The following SGMS1 variants were observed in gnomAD, a reference collection of about 807,000 sequenced individuals.
SGMS1 encodes the protein sphingomyelin synthase 1, also known as phosphatidylcholine:ceramide cholinephosphotransferase 1.
In SGMS1, 13 loss-of-function variants were observed where a neutral mutation model predicts 46.2. The observed-to-expected ratio is 0.28, with a 90% CI of 0.18 to 0.45. The LOEUF (loss-of-function observed/expected upper bound fraction) is 0.45. Ranked by LOEUF, SGMS1 falls within the 20% of genes least tolerant of loss-of-function variation. SGMS1 has a pLI of 1.00. For missense variants in SGMS1, 324 were observed against 519.9 expected (o/e 0.62, Z 3.66); for synonymous variants, 203 against 187.8 (o/e 1.08, Z -0.66).
At chr10:50,385,793 A>G (rs1564897771) in intron 6 of SGMS1, among the ~76,000 whole-genome samples, 1 of 152,160 alleles carries the variant, frequency 6.6e-6, no homozygotes, top group Non-Finnish European at 1.5e-5. Context: ...TTTTCCTTGG[A>G]TAAACAAGTT....
At chr10:50,532,512 C>G (rs1318193993) in intron 2 of SGMS1, among the ~76,000 whole-genome samples, 2 of 152,030 alleles carry the variant, frequency 1.3e-5, no homozygotes, top group African/African-American at 4.8e-5. Flanking sequence ...CAGAAATATG[C>G]CATAGGAACT....
intron 6 of SGMS1, among the ~76,000 whole-genome samples, chr10:50,357,423 G>A (rs959093479): frequency 6.6e-5 from 10 of 151,902 alleles, no homozygotes; most frequent in Middle Eastern, 3.4e-3. Context: ...TCTGGCACTC[G>A]CTAGAAACAA....
At chr10:50,418,766 AAGC>A (rs1336530600) in intron 6 of SGMS1, among the ~76,000 whole-genome samples, 1 of 152,186 alleles carries the variant, frequency 6.6e-6, no homozygotes, top group Non-Finnish European at 1.5e-5. Context: ...CCTGGTATCA[AAGC>A]AGATTTGGAT....
intron 9 of SGMS1, 36 bp from the exon 10 acceptor site, chr10:50,308,184 T>A (rs758095709): frequency 1.3e-6 from 2 of 1,593,780 alleles, no homozygotes; most frequent in Non-Finnish European, 8.6e-7. Context: ...GTCCCATTAT[T>A]CAAATGACAT....
intron 7 of SGMS1, 115 bp downstream of exon 7, chr10:50,343,377 A>G (rs776905254): frequency 3.0e-4 from 374 of 1,235,862 alleles, no homozygotes; most frequent in Non-Finnish European, 3.8e-4. Flanking sequence ...AAAAAGAAAA[A>G]AAAATAGTAT....
At chr10:50,594,070 T>A (rs1270995431) in intron 1 of SGMS1, among the ~76,000 whole-genome samples, 3 of 152,204 alleles carry the variant, frequency 2.0e-5, no homozygotes, top group Non-Finnish European at 4.4e-5. Context: ...TAGCCGCCTT[T>A]CCAGTTTCTC....
intron 3 of SGMS1, among the ~76,000 whole-genome samples, chr10:50,497,476 G>A (rs748473434): frequency 6.6e-6 from 1 of 152,138 alleles, no homozygotes; most frequent in Non-Finnish European, 1.5e-5. Context: ...TGCAAGAGAA[G>A]CCAAAAGGTA....
chr10:50,388,932 T>C (rs1457879072), intron 6 of SGMS1, among the ~76,000 whole-genome samples: 9 of 152,160 alleles, frequency 5.9e-5, no homozygotes, highest in Admixed American at 5.9e-4. Flanking sequence ...ATGTACAATA[T>C]GAGGATGATA....
intron 2 of SGMS1, among the ~76,000 whole-genome samples, chr10:50,583,490 T>C (rs906791140): frequency 1.3e-5 from 2 of 152,156 alleles, no homozygotes; most frequent in African/African-American, 4.8e-5. Flanking sequence ...CCAATAGGAA[T>C]AGGCCAATAT....
chr10:50,554,064 C>T (rs1588875324), intron 2 of SGMS1, among the ~76,000 whole-genome samples: 1 of 152,294 alleles, frequency 6.6e-6, no homozygotes, highest in Non-Finnish European at 1.5e-5. Flanking sequence ...CCACATCCCA[C>T]AGCATCTCCA....
intron 6 of SGMS1, among the ~76,000 whole-genome samples, chr10:50,429,350 C>T (rs564913870): frequency 6.6e-6 from 1 of 152,250 alleles, no homozygotes; most frequent in South Asian, 2.1e-4. Flanking sequence ...ACATGCTATA[C>T]AGGTTTGCAG....
rs114261117 is a variant in SGMS1, at chr10:50,466,065, G to A, written c.-455+825C>T. On this transcript the variant is annotated intron_variant, in intron 4 of 10. Transcript: ENST00000361781. Reference sequence around the variant, plus strand: ...GGTGGTCTATGAGAGAGAACTCCCCGGCAGGAAATCAATGCATAAGTCTAA... The same window carrying A: ...GGTGGTCTATGAGAGAGAACTCCCCAGCAGGAAATCAATGCATAAGTCTAA... 2.8e-3 allele frequency among the ~76,000 whole-genome samples: 432 copies of A among 152,178 alleles called. 1 individual carries two copies. Among genetic ancestry groups the A allele is most frequent in the African/African-American group, 8.0e-3 (333 of 41,526 alleles).
chr10:50,328,481 G>A (rs1847564472), intron 7 of SGMS1, among the ~76,000 whole-genome samples: 1 of 152,152 alleles, frequency 6.6e-6, no homozygotes, highest in Admixed American at 6.5e-5. Flanking sequence ...AGGAAAATTT[G>A]TTTCATGTGT....
intron 2 of SGMS1, among the ~76,000 whole-genome samples, chr10:50,535,722 C>T (rs1837994921): frequency 6.6e-6 from 1 of 152,098 alleles, no homozygotes; most frequent in Non-Finnish European, 1.5e-5. Context: ...ACCACAGGAT[C>T]TAGGTGTTAA....
chr10:50,358,813 A>T (rs1055842107), intron 6 of SGMS1, among the ~76,000 whole-genome samples: 2 of 152,248 alleles, frequency 1.3e-5, no homozygotes, highest in African/African-American at 2.4e-5. Context: ...CTCCAAACAA[A>T]TCTAATAAGG....
chr10:50,588,840 C>CT, intron 2 of SGMS1, among the ~76,000 whole-genome samples: 1 of 151,230 alleles, frequency 6.6e-6, no homozygotes, highest in East Asian at 2.0e-4. Flanking sequence ...AGTGATTCTC[C>CT]TGCCTCAGCC....
At chr10:50,389,340 C>A (rs140383692) in intron 6 of SGMS1, among the ~76,000 whole-genome samples, 84 of 152,312 alleles carry the variant, frequency 5.5e-4, no homozygotes, top group African/African-American at 1.7e-3. Flanking sequence ...AAAAACCAAT[C>A]TTTGCCTAAA....
chr10:50,345,158 A>C (rs1320120832), intron 6 of SGMS1, among the ~76,000 whole-genome samples: 1 of 151,330 alleles, frequency 6.6e-6, no homozygotes, highest in Non-Finnish European at 1.5e-5. Context: ...CCCCTTTTCC[A>C]TATGTGCTTA....
chr10:50,569,685 C>G (rs1838320800), intron 2 of SGMS1, among the ~76,000 whole-genome samples: 1 of 152,104 alleles, frequency 6.6e-6, no homozygotes, highest in African/African-American at 2.4e-5. Flanking sequence ...TTCCCCCAAA[C>G]AAATAATTTT....
Sources: allele counts gnomAD v4.1 joint callset (sites outside exome capture counted in the v4.1 genomes callset), GRCh38; gene constraint gnomAD v4.1.1; transcripts MANE v1.5; gene names NCBI Gene and HGNC (gene_info 2026-07-23, HGNC 2026-07-21).